The following CPLX2 variants were observed in gnomAD, a reference collection of about 807,000 sequenced individuals.
CPLX2 encodes the protein complexin 2, also known as complexin-2.
Under a neutral mutation model 16.3 loss-of-function variants are expected in CPLX2, and 5 were observed. That is an observed-to-expected ratio of 0.31 (90% confidence interval 0.16 to 0.64). CPLX2 has a LOEUF of 0.64. Among genes scored for constraint, CPLX2 ranks in the 30% least tolerant of loss-of-function variants. The pLI is 0.79. For missense variants in CPLX2, 144 were observed against 181.4 expected (o/e 0.79, Z 1.18); for synonymous variants, 89 against 73.2 (o/e 1.22, Z -1.10).
chr5:175,852,130 A>G (rs890712057), intron 2 of CPLX2, among the ~76,000 whole-genome samples: 4 of 152,220 alleles, frequency 2.6e-5, no homozygotes, highest in African/African-American at 9.6e-5. Context: ...GCTCAAACTC[A>G]GATAATTTCC....
chr5:175,833,934 G>C (rs1451494668), intron 2 of CPLX2, among the ~76,000 whole-genome samples: 3 of 152,066 alleles, frequency 2.0e-5, no homozygotes, highest in Non-Finnish European at 4.4e-5. Flanking sequence ...GGTTCCTGCA[G>C]GGCACTTAGT....
At position 175,880,143 on chromosome 5, in the gene CPLX2, C is replaced by A; in HGVS notation, c.*98C>A. On this transcript the variant is annotated 3_prime_UTR_variant, in exon 4 of 4. Coordinates refer to ENST00000393745, the MANE Select transcript of CPLX2 (RefSeq NM_001008220.2). The stretch of plus-strand genomic sequence containing the variant: ...TAAGTCTCAATTCTGAAGGGGAAAA[C>A]CTCAGTTGGCCTCTGCCCCTCTTCC... 1 of 1,312,518 alleles carries A rather than the reference C, an allele frequency of 7.6e-7. No homozygotes were observed. Among genetic ancestry groups the A allele is most frequent in the Admixed American group, 2.0e-5 (1 of 50,704 alleles). 81.3% of individuals were successfully genotyped at this position (1,312,518 alleles called of 1,614,324 possible). A position where few individuals can be genotyped will look rare whatever the true frequency, so the allele number is the denominator to read the frequency against.
chr5:175,841,769 T>C (rs902771085), intron 2 of CPLX2, among the ~76,000 whole-genome samples: 1 of 152,204 alleles, frequency 6.6e-6, no homozygotes, highest in Non-Finnish European at 1.5e-5. Flanking sequence ...TGAATGGGAA[T>C]CCCAGCTCTC....
At chr5:175,824,625 G>C (rs761798828) in intron 2 of CPLX2, among the ~76,000 whole-genome samples, 21 of 152,324 alleles carry the variant, frequency 1.4e-4, no homozygotes, top group Middle Eastern at 3.4e-3. Flanking sequence ...TCAAGAGGAG[G>C]GCAGGAGAAA....
chr5:175,873,599 G>GC (rs975745937), intron 1 of CPLX2, among the ~76,000 whole-genome samples: 12 of 152,188 alleles, frequency 7.9e-5, no homozygotes, highest in Admixed American at 3.9e-4. Context: ...AGGGGAAGAT[G>GC]CCCTCACATC....
intron 1 of CPLX2, among the ~76,000 whole-genome samples, chr5:175,799,569 TATATATAG>T (rs1247850710): frequency 9.0e-5 from 13 of 143,736 alleles, no homozygotes; most frequent in African/African-American, 3.1e-4. Flanking sequence ...TATATATATA[TATATATAG>T]TAATCACAGC....
At chr5:175,810,128 G>A (rs1233935829) in intron 2 of CPLX2, among the ~76,000 whole-genome samples, 1 of 152,186 alleles carries the variant, frequency 6.6e-6, no homozygotes, top group Non-Finnish European at 1.5e-5. Context: ...AGGGACAGAA[G>A]GGAACATTTT....
chr5:175,876,425 G>T (rs1759757084), intron 1 of CPLX2, among the ~76,000 whole-genome samples: 1 of 152,132 alleles, frequency 6.6e-6, no homozygotes, highest in African/African-American at 2.4e-5. Flanking sequence ...GGAAGAAGAG[G>T]AGTCAGAAAA....
intron 2 of CPLX2, 48 bp downstream of exon 2, chr5:175,878,818 T>C (rs780934706): frequency 2.6e-5 from 42 of 1,610,718 alleles, no homozygotes; most frequent in Non-Finnish European, 3.5e-5. Context: ...CCCACCCTTG[T>C]GGGAGGTGGC....
chr5:175,824,021 C>G (rs560443286), intron 2 of CPLX2, among the ~76,000 whole-genome samples: 3 of 152,118 alleles, frequency 2.0e-5, no homozygotes, highest in Non-Finnish European at 4.4e-5. Context: ...TTAAAGGGAC[C>G]GATCCTCCTG....
rs1215374722 is a variant in CPLX2, at chr5:175,879,852, G to A, written c.212G>A (p.Gly71Glu). Residue 71 changes from glycine (G) to glutamate (E), a missense_variant, in exon 4 of 4, where the codon GGG becomes GAG. Coordinates refer to ENST00000393745, the MANE Select transcript of CPLX2 (RefSeq NM_001008220.2). The stretch of plus-strand genomic sequence containing the variant: ...CTCTGCCCTCCCCCTCCCCAGTATG[G>A]GCTGAAGAAGAAGGAGGAGAAGGAA... ...KVRQQIRDKY[G>E]LKKKEEKEAE... The A allele has an allele frequency of 6.2e-7, 1 of 1,610,998 alleles. No homozygotes were observed.
intron 2 of CPLX2, among the ~76,000 whole-genome samples, chr5:175,839,566 G>A (rs112682402): frequency 0.02 from 2,987 of 152,308 alleles, 102 homozygotes; most frequent in African/African-American, 0.068. Context: ...GATTACAGGC[G>A]TGAGCCACCT....
rs1758758911 is a variant in CPLX2 at position 175,832,932 on chromosome 5, A to T, written c.-89+23864A>T. On this transcript the variant is annotated intron_variant, in intron 2 of 4. Transcript: ENST00000359546. ...CACTTCGGGAGGCCGAGGTGGGCAG[A>T]TCTACCTGAGGTCAGAAGTTCAAGA... is the stretch of plus-strand genomic sequence containing the variant. Among the ~76,000 whole-genome samples, 3 of 152,314 alleles carry T rather than the reference A, an allele frequency of 2.0e-5. No individual in the cohort carries two copies. In the South Asian group the frequency reaches 6.2e-4, roughly 32 times the overall value.
intron 2 of CPLX2, among the ~76,000 whole-genome samples, chr5:175,866,428 T>C (rs1483174319): frequency 6.6e-6 from 1 of 152,098 alleles, no homozygotes; most frequent in Non-Finnish European, 1.5e-5. Context: ...TTTGATAGGA[T>C]GGGGGCAAGG....
chr5:175,797,307 C>T (rs1375298143), intron 1 of CPLX2, among the ~76,000 whole-genome samples: 2 of 152,140 alleles, frequency 1.3e-5, no homozygotes, highest in Non-Finnish European at 2.9e-5. Flanking sequence ...AGGCGGGGGC[C>T]TAGCACAGCC....
At chr5:175,852,082 G>C (rs898893048) in intron 2 of CPLX2, among the ~76,000 whole-genome samples, 1 of 152,140 alleles carries the variant, frequency 6.6e-6, no homozygotes, top group African/African-American at 2.4e-5. Flanking sequence ...AAACCTCAGC[G>C]CACAGCCTGT....
chr5:175,814,438 G>A (rs1245366480), intron 2 of CPLX2, among the ~76,000 whole-genome samples: 1 of 152,266 alleles, frequency 6.6e-6, no homozygotes, highest in African/African-American at 2.4e-5. Context: ...ACATCCAGAA[G>A]GGGGTCTTAA....
At chr5:175,841,400 G>GGA (rs10657288) in intron 2 of CPLX2, among the ~76,000 whole-genome samples, 99,693 of 152,014 alleles carry the variant, frequency 0.66, 33,897 homozygotes, top group Middle Eastern at 0.85. Context: ...GGTGCACCTG[G>GGA]GAGTCACGCT....
rs1443956893 is a variant in CPLX2, at chr5:175,809,628, C to A, written c.-89+560C>A. On this transcript the variant is annotated intron_variant, in intron 2 of 4. Coordinates refer to the CPLX2 transcript ENST00000359546. The surrounding 1 kb of genome is among the most constrained non-coding windows in gnomAD (Gnocchi z 4.4). ...GATGAGCTCAACATCCCCCATGCCA[C>A]CCCCTCCCCAGCCCAGGATCCCAAC... 6.6e-6 allele frequency among the ~76,000 whole-genome samples: 1 copy of A among 152,018 alleles called. No homozygotes were observed. The highest frequency in any genetic ancestry group is 1.5e-5 in the Non-Finnish European group (1 of 68,000).
Sources: gnomAD v4.1 joint callset for allele counts (sites outside exome capture counted in the v4.1 genomes callset) on GRCh38, gnomAD v4.1.1 for gene constraint, Gnocchi (gnomAD v3.1) non-coding constraint, MANE v1.5 for transcripts, NCBI Gene and HGNC (gene_info 2026-07-23, HGNC 2026-07-21) for gene names.